CPEB1: variants seen among roughly 807,000 people sequenced by gnomAD.
CPEB1 encodes cytoplasmic polyadenylation element binding protein 1, also known as cytoplasmic polyadenylation element-binding protein 1.
In CPEB1, 7 loss-of-function variants were observed where a neutral mutation model predicts 65.8. That is an observed-to-expected ratio of 0.11 (90% CI 0.06 to 0.20). The LOEUF is 0.20. CPEB1 is among the 10% of genes least tolerant of loss of function. The probability of loss-of-function intolerance (pLI) is 1.00; values close to 1 mark genes in which losing one functional copy is unlikely to be tolerated. For synonymous variants in CPEB1, 262 were observed against 260.0 expected (o/e 1.01, Z -0.08); for missense variants, 551 against 712.2 (o/e 0.77, Z 2.58).
chr15:82,568,868 T>C (rs2039575080), intron 4 of CPEB1, among the ~76,000 whole-genome samples: 1 of 152,200 alleles, frequency 6.6e-6, no homozygotes, highest in Admixed American at 6.5e-5. Context: ...CAGATGAATT[T>C]AGCCAACAGC....
At chr15:82,639,046 C>T (rs1213397808) in intron 1 of CPEB1, among the ~76,000 whole-genome samples, 1 of 152,212 alleles carries the variant, frequency 6.6e-6, no homozygotes, top group Non-Finnish European at 1.5e-5. Context: ...AAAAATACTT[C>T]TGACTTTATA....
chr15:82,636,720 C>T (rs6603032), intron 1 of CPEB1, among the ~76,000 whole-genome samples: 3,214 of 152,176 alleles, frequency 0.021, 116 homozygotes, highest in African/African-American at 0.073. Context: ...TCAGCACTGC[C>T]CCAGAATAGT....
chr15:82,561,382 A>C (rs2038173812), intron 4 of CPEB1, among the ~76,000 whole-genome samples: 1 of 152,212 alleles, frequency 6.6e-6, no homozygotes, highest in Non-Finnish European at 1.5e-5. Flanking sequence ...AGTAAAAAAA[A>C]GAAAGCCAGT....
chr15:82,630,208 A>T, intron 1 of CPEB1: 1 of 467,938 alleles, frequency 2.1e-6, no homozygotes, highest in Non-Finnish European at 2.8e-6. Context: ...AGTAGCTGAG[A>T]CTACAGGCAC....
chr15:82,589,962 A>ATTTT (rs1048372616), intron 3 of CPEB1, among the ~76,000 whole-genome samples: 8 of 152,180 alleles, frequency 5.3e-5, no homozygotes, highest in African/African-American at 1.9e-4. Context: ...ATACTGTACC[A>ATTTT]TTTTACATCA....
intron 3 of CPEB1, among the ~76,000 whole-genome samples, chr15:82,587,967 G>A (rs2041935118): frequency 6.6e-6 from 1 of 152,054 alleles, no homozygotes; most frequent in Non-Finnish European, 1.5e-5. Flanking sequence ...TGTCACACAG[G>A]CTGGAATGCA....
chr15:82,583,685 T>G (rs1416413177), intron 3 of CPEB1, among the ~76,000 whole-genome samples: 2 of 152,184 alleles, frequency 1.3e-5, no homozygotes, highest in African/African-American at 4.8e-5. Flanking sequence ...TATAAGTGTA[T>G]AAAATAGGCA....
Position 82,628,481 on chromosome 15 carries a change from A to C in CPEB1, c.-22T>G. Reference sequence around the variant, plus strand: ...ACATATTGACATTAGATGATCTGGCAAAAGGGTTCCGATTATTCAAGGCTG... The same window carrying C: ...ACATATTGACATTAGATGATCTGGCCAAAGGGTTCCGATTATTCAAGGCTG... On this transcript the variant is annotated 5_prime_UTR_variant, in exon 2 of 13. Coordinates refer to ENST00000684509, the MANE Select transcript of CPEB1 (RefSeq NM_001365242.1). The C allele has an allele frequency of 1.4e-6, 1 of 702,652 alleles. No homozygotes were observed. Among genetic ancestry groups the C allele is most frequent in the Non-Finnish European group, 2.6e-6 (1 of 384,918 alleles). The allele number at this position is 702,652 out of a possible 1,614,324, so 43.5% of individuals were successfully genotyped here. A position where few individuals can be genotyped will look rare whatever the true frequency, so the allele number is the denominator to read the frequency against.
intron 12 of CPEB1, 76 bp downstream of exon 12, chr15:82,546,365 G>T: frequency 8.3e-7 from 1 of 1,198,366 alleles, no homozygotes; most frequent in Non-Finnish European, 1.2e-6. Flanking sequence ...AAAGTGCTGG[G>T]ATTACAGGTG....
intron 3 of CPEB1, among the ~76,000 whole-genome samples, chr15:82,624,988 C>T (rs1321447800): frequency 6.6e-6 from 1 of 152,110 alleles, no homozygotes; most frequent in Non-Finnish European, 1.5e-5. Context: ...GTGCACACCC[C>T]ACATCTGGCT....
intron 3 of CPEB1, among the ~76,000 whole-genome samples, chr15:82,574,654 G>A (rs565445353): frequency 6.9e-6 from 1 of 145,256 alleles, no homozygotes; most frequent in Non-Finnish European, 1.5e-5. Context: ...CCAGGAAGGG[G>A]AGAGGTTGCA....
chr15:82,631,797 C>T (rs910420246), intron 1 of CPEB1, among the ~76,000 whole-genome samples: 26 of 151,936 alleles, frequency 1.7e-4, no homozygotes, highest in South Asian at 2.1e-4. Flanking sequence ...AGATATGATT[C>T]AAATAGACCT....
intron 3 of CPEB1, among the ~76,000 whole-genome samples, chr15:82,611,364 T>C (rs547674792): frequency 7.9e-5 from 12 of 152,224 alleles, no homozygotes; most frequent in South Asian, 6.2e-4. Flanking sequence ...TATGAATAAA[T>C]TGCAAGACTT....
chr15:82,584,903 C>CTTTTTTTTTTTTTTT lies in CPEB1; in HGVS notation c.272-13386_272-13372dup, dbSNP rs3080692. 1.4e-3 allele frequency among the ~76,000 whole-genome samples: 118 copies of CTTTTTTTTTTTTTTT among 81,722 alleles called. 16 individuals carry two copies. The highest frequency in any genetic ancestry group is 3.1e-3 in the African/African-American group (53 of 16,862). 53.6% of individuals were successfully genotyped at this position (81,722 alleles called of 152,430 possible). Reference sequence around the variant, plus strand: ...GACATAATTTTTTTTTCCTAATTTGCTTTTTTTTTTTTTTTTTTTACAGTG... The same window carrying CTTTTTTTTTTTTTTT: ...GACATAATTTTTTTTTCCTAATTTGCTTTTTTTTTTTTTTTTTTTTTTTTTTTTTTTTTTACAGTG... On this transcript the variant is annotated intron_variant, in intron 3 of 12. Transcript: ENST00000684509.
chr15:82,550,849 A>G (rs771631328), intron 9 of CPEB1, among the ~76,000 whole-genome samples: 3 of 152,198 alleles, frequency 2.0e-5, no homozygotes, highest in African/African-American at 4.8e-5. Context: ...AGGAAAAAGA[A>G]AAGTAGAGAG....
At chr15:82,619,780 T>C (rs1307929232) in intron 3 of CPEB1, among the ~76,000 whole-genome samples, 4 of 151,812 alleles carry the variant, frequency 2.6e-5, no homozygotes, top group African/African-American at 9.7e-5. Context: ...GACAATACAA[T>C]TATTGATGAG....
Position 82,555,912 on chromosome 15 carries a change from A to C in CPEB1, c.898T>G (p.Phe300Val). The C allele has an allele frequency of 6.2e-7, 1 of 1,613,748 alleles. No homozygotes were observed. Among genetic ancestry groups the C allele is most frequent in the African/African-American group, 1.3e-5 (1 of 75,012 alleles). The change falls in exon 6 of 13, where the codon TTC (phenylalanine) becomes GTC (valine). Residue 300 changes from phenylalanine to valine, a missense_variant. By Grantham distance (50) the Phe-to-Val change is conservative (BLOSUM62 -1). Transcript: ENST00000684509. ...AGCCTGGCCTCTCTCTCTATGCTGAAGGGGTCTTTGGGAGCTTCGAGGAGG... is the reference window on the plus strand; with the variant it reads ...AGCCTGGCCTCTCTCTCTATGCTGACGGGGTCTTTGGGAGCTTCGAGGAGG... ...WDLLEAPKDP[F>V]SIEREARLHR...
intron 10 of CPEB1, chr15:82,548,905 T>C: frequency 3.4e-6 from 1 of 296,712 alleles, no homozygotes; most frequent in South Asian, 2.7e-5. Context: ...CATTGACATT[T>C]TGCCAGGACT....
intron 3 of CPEB1, among the ~76,000 whole-genome samples, chr15:82,589,868 A>C (rs1337174465): frequency 2.0e-5 from 3 of 152,258 alleles, no homozygotes; most frequent in Non-Finnish European, 2.9e-5. Flanking sequence ...GAAACAATAC[A>C]GTATAACTAT....
Sources: gnomAD v4.1 joint callset for allele counts (sites outside exome capture counted in the v4.1 genomes callset) on GRCh38, gnomAD v4.1.1 for gene constraint, MANE v1.5 for transcripts, NCBI Gene and HGNC (gene_info 2026-07-23, HGNC 2026-07-21) for gene names.